HDAC9: variants seen among roughly 807,000 people sequenced by gnomAD.
HDAC9 encodes the protein MEF-2 interacting transcription repressor (MITR) protein.
A neutral mutation model predicts 139.4 loss-of-function variants in HDAC9; 41 were observed. The observed-to-expected ratio is 0.29, with a 90% CI of 0.23 to 0.38. HDAC9 has a LOEUF of 0.38. Ranked by LOEUF, HDAC9 falls within the 10% of genes least tolerant of loss-of-function variation. The pLI, the probability that HDAC9 is intolerant of heterozygous loss-of-function variation, is 1.00. For synonymous variants in HDAC9, 517 were observed against 476.2 expected (o/e 1.09, Z -1.12); for missense variants, 1,147 against 1,297.0 (o/e 0.88, Z 1.78).
At chr7:18,544,370 C>T (rs774221796) in intron 2 of HDAC9, among the ~76,000 whole-genome samples, 1 of 152,134 alleles carries the variant, frequency 6.6e-6, no homozygotes, top group African/African-American at 2.4e-5. Context: ...GAGTGAAGGA[C>T]ATGTTTAAGA....
chr7:18,874,780 CAAAGTT>C (rs1334891979), intron 22 of HDAC9, among the ~76,000 whole-genome samples, 184 bp downstream of exon 22: 15 of 152,128 alleles, frequency 9.9e-5, no homozygotes, highest in African/African-American at 2.9e-4. Context: ...TTAAGAAAAA[CAAAGTT>C]AAAGTGCTTT....
intron 2 of HDAC9, among the ~76,000 whole-genome samples, chr7:18,172,342 C>G (rs989514424): frequency 6.6e-6 from 1 of 151,898 alleles, no homozygotes. Context: ...TTCTCTCTTT[C>G]CTTCTTTATT....
intron 6 of HDAC9, among the ~76,000 whole-genome samples, chr7:18,611,244 G>C (rs1294918379): frequency 2.0e-5 from 3 of 152,032 alleles, no homozygotes; most frequent in Non-Finnish European, 4.4e-5. Context: ...ACTGATAAGG[G>C]AACAGCACAT....
chr7:18,702,966 T>A lies in HDAC9; in HGVS notation c.1732-24614T>A, dbSNP rs571340117. Among the ~76,000 whole-genome samples the A allele has an allele frequency of 2.0e-5, 3 of 152,352 alleles. No homozygotes were observed. The South Asian group carries it at 6.2e-4, about 32-fold the overall frequency. Reference sequence around the variant, plus strand: ...ACTGTTTCCATTTGAATGACAATTGTGTATTTTGAAATCCACACATATTAT... The same window carrying A: ...ACTGTTTCCATTTGAATGACAATTGAGTATTTTGAAATCCACACATATTAT... On this transcript the variant is annotated intron_variant, in intron 12 of 25. Transcript: ENST00000686413.
intron 16 of HDAC9, among the ~76,000 whole-genome samples, chr7:18,784,960 TG>T (rs1204363218): frequency 2.6e-5 from 4 of 151,790 alleles, no homozygotes; most frequent in Non-Finnish European, 4.4e-5. Flanking sequence ...TGTGTGTGTG[TG>T]TGTGTGTGTG....
At chr7:18,612,173 T>TA (rs1390452961) in intron 6 of HDAC9, among the ~76,000 whole-genome samples, 1 of 152,074 alleles carries the variant, frequency 6.6e-6, no homozygotes, top group Non-Finnish European at 1.5e-5. Context: ...ATAATAGACA[T>TA]ACTTTAATTA....
At chr7:18,606,581 A>G (rs1405116467) in intron 6 of HDAC9, among the ~76,000 whole-genome samples, 1 of 152,220 alleles carries the variant, frequency 6.6e-6, no homozygotes. Context: ...TTTTTGTCTT[A>G]CTGTTTTCAT....
chr7:18,168,081 G>A (rs1054886576), intron 2 of HDAC9, among the ~76,000 whole-genome samples: 1 of 152,162 alleles, frequency 6.6e-6, no homozygotes, highest in African/African-American at 2.4e-5. Flanking sequence ...GCCCAGTGTA[G>A]CTATTAGAAA....
intron 1 of HDAC9, among the ~76,000 whole-genome samples, chr7:18,431,012 ATCTTGTCCTGTCCTGTCCTG>A (rs1790594691): frequency 7.9e-6 from 1 of 125,808 alleles, no homozygotes; most frequent in African/African-American, 3.0e-5. Context: ...TGCTTATCCT[ATCTTGTCCTGTCCTGTCCTG>A]TCCTGTCCTG....
At chr7:18,094,705 T>G (rs1200035206) in intron 1 of HDAC9, among the ~76,000 whole-genome samples, 1 of 152,156 alleles carries the variant, frequency 6.6e-6, no homozygotes, top group Non-Finnish European at 1.5e-5. Flanking sequence ...ATCCTCCTGC[T>G]TAGGCCTCCC....
chr7:18,372,443 C>A (rs539905546), intron 1 of HDAC9, among the ~76,000 whole-genome samples: 8 of 152,272 alleles, frequency 5.3e-5, no homozygotes, highest in South Asian at 2.1e-4. Context: ...ACAAGGTAGT[C>A]TGTTTTCCAG....
chr7:18,266,297 A>G (rs1407918103), intron 2 of HDAC9, among the ~76,000 whole-genome samples: 3 of 152,208 alleles, frequency 2.0e-5, no homozygotes, highest in Non-Finnish European at 4.4e-5. Flanking sequence ...TTTATTAGCA[A>G]CAATTACTCT....
chr7:18,261,546 A>G (rs1366289226), intron 2 of HDAC9, among the ~76,000 whole-genome samples: 1 of 152,200 alleles, frequency 6.6e-6, no homozygotes, highest in African/African-American at 2.4e-5. Flanking sequence ...TGTGAGAATA[A>G]TGGGAAGGGT....
At chr7:18,807,279 G>T (rs1295308534) in intron 17 of HDAC9, among the ~76,000 whole-genome samples, 1 of 151,886 alleles carries the variant, frequency 6.6e-6, no homozygotes, top group East Asian at 1.9e-4. Context: ...TTATTTCTGT[G>T]GTATCAGTTG....
intron 25 of HDAC9, among the ~76,000 whole-genome samples, chr7:18,993,086 A>C (rs888339857): frequency 6.7e-6 from 1 of 149,410 alleles, no homozygotes; most frequent in Non-Finnish European, 1.5e-5. Context: ...CACTCACCAG[A>C]TATCTTTCTA....
intron 22 of HDAC9, among the ~76,000 whole-genome samples, chr7:18,879,406 A>T (rs1249622421): frequency 6.6e-6 from 1 of 152,198 alleles, no homozygotes; most frequent in Non-Finnish European, 1.5e-5. Context: ...ACCCAACTTC[A>T]AACTATACTT....
intron 18 of HDAC9, 98 bp downstream of exon 18, chr7:18,829,314 G>A (rs542316893): frequency 1.6e-4 from 190 of 1,184,088 alleles, no homozygotes; most frequent in Non-Finnish European, 2.2e-4. Flanking sequence ...TTAGCAGATG[G>A]ACTGAAAAAT....
At chr7:18,574,041 A>T (rs1467609728) in intron 2 of HDAC9, among the ~76,000 whole-genome samples, 1 of 152,268 alleles carries the variant, frequency 6.6e-6, no homozygotes, top group Non-Finnish European at 1.5e-5. Context: ...GTATGCGGAC[A>T]GCTGGAGGCT....
chr7:18,189,453 T>C (rs970546157), intron 2 of HDAC9, among the ~76,000 whole-genome samples: 5 of 151,830 alleles, frequency 3.3e-5, no homozygotes, highest in Non-Finnish European at 5.9e-5. Context: ...ACATGTATCC[T>C]GTTTTTGTTT....
Sources: gnomAD v4.1 joint callset for allele counts (sites outside exome capture counted in the v4.1 genomes callset) on GRCh38, gnomAD v4.1.1 for gene constraint, MANE v1.5 for transcripts, NCBI Gene and HGNC (gene_info 2026-07-23, HGNC 2026-07-21) for gene names.